ZZEF1: variants seen among roughly 807,000 people sequenced by gnomAD.
The protein encoded by ZZEF1 is zinc finger ZZ-type and EF-hand domain containing 1.
Under a neutral mutation model 342.8 loss-of-function variants are expected in ZZEF1, and 157 were observed. The observed-to-expected ratio is 0.46, with a 90% CI of 0.40 to 0.52. The LOEUF (loss-of-function observed/expected upper bound fraction) is 0.52, where lower values mean the gene tolerates loss of function less well. Among genes scored for constraint, ZZEF1 ranks in the 20% least tolerant of loss-of-function variants. ZZEF1 has a pLI of 0.00. For missense variants in ZZEF1, 3,480 were observed against 3,725.6 expected (o/e 0.93, Z 1.72); for synonymous variants, 1,505 against 1,429.1 (o/e 1.05, Z -1.20).
chr17:4,058,198 C>T (rs1005791217), intron 31 of ZZEF1, 43 bp from the exon 32 acceptor site: 3 of 1,548,674 alleles, frequency 1.9e-6, no homozygotes, highest in African/African-American at 2.8e-5. Context: ...CTGCTTACTC[C>T]CAACAGAGGC....
At chr17:4,018,013 C>T in intron 46 of ZZEF1, 42 bp from the exon 47 acceptor site, 1 of 1,607,592 alleles carries the variant, frequency 6.2e-7, no homozygotes, top group Non-Finnish European at 8.5e-7. Flanking sequence ...ACAGTGTAGA[C>T]AGGCCAGTTT....
Position 4,090,702 on chromosome 17 carries a change from G to T in ZZEF1, c.2025+17C>A. On this transcript the variant is annotated intron_variant, in intron 12 of 54. Coordinates refer to ENST00000381638, the MANE Select transcript of ZZEF1 (RefSeq NM_015113.4). ...AATAAAAGGAGGGGAGTGGGCAAAC[G>T]ACGCACTAATGCTTACTTTGGCAAC... 1 of 1,599,930 alleles carries T rather than the reference G, an allele frequency of 6.3e-7. No homozygotes were observed. Among genetic ancestry groups the T allele is most frequent in the Non-Finnish European group, 8.6e-7 (1 of 1,167,704 alleles).
rs578219727 is a variant in ZZEF1, at chr17:4,138,284, C to A, written c.354+4258G>T. Among the ~76,000 whole-genome samples, 53 of 152,280 alleles carry A rather than the reference C, an allele frequency of 3.5e-4. No homozygotes were observed. In the South Asian group the frequency reaches 9.5e-3, roughly 27 times the overall value. ...AGATAATCACATCTGCAGATTCCTACGGCACAGTTCCTGGGCTCAAAGCCA... is the reference window on the plus strand; with the variant it reads ...AGATAATCACATCTGCAGATTCCTAAGGCACAGTTCCTGGGCTCAAAGCCA... On this transcript the variant is annotated intron_variant, in intron 1 of 54. Transcript: ENST00000381638.
At chr17:4,020,260 A>G (rs1347516882) in intron 45 of ZZEF1, among the ~76,000 whole-genome samples, 1 of 152,196 alleles carries the variant, frequency 6.6e-6, no homozygotes, top group African/African-American at 2.4e-5. Context: ...CCTGCACTTA[A>G]ACTTGTCAGC....
chr17:4,039,807 CTAAT>C (rs1274687700), intron 39 of ZZEF1, among the ~76,000 whole-genome samples: 1 of 151,860 alleles, frequency 6.6e-6, no homozygotes, highest in Non-Finnish European at 1.5e-5. Context: ...CCACGCCTGG[CTAAT>C]TTTTTTGTAT....
intron 37 of ZZEF1, 116 bp from the exon 38 acceptor site, chr17:4,044,490 C>G: frequency 1.1e-6 from 1 of 898,470 alleles, no homozygotes; most frequent in African/African-American, 1.7e-5. Context: ...TTTTGAATGC[C>G]ATTAGAAAAT....
rs932121332 is a variant in ZZEF1 at position 4,055,177 on chromosome 17, A to G, written c.5296-982T>C. On this transcript the variant is annotated intron_variant, in intron 33 of 54. Transcript: ENST00000381638. ...TCTCTTTAGGGCCTGGAAATGAGGGATCTAAATCAGTAAGTCATACAGTAG... is the reference window on the plus strand; with the variant it reads ...TCTCTTTAGGGCCTGGAAATGAGGGGTCTAAATCAGTAAGTCATACAGTAG... Among the ~76,000 whole-genome samples, 57 of 152,146 alleles carry G rather than the reference A, an allele frequency of 3.7e-4. 1 individual carries two copies. The highest frequency in any genetic ancestry group is 1.1e-3 in the African/African-American group (45 of 41,416).
chr17:4,142,979 C>CG lies in ZZEF1; in HGVS notation c.-85dup. The stretch of plus-strand genomic sequence containing the variant: ...CCTGTCAACCTCCGACAGCAGCTGG[C>CG]GGGCGGGGACGCGGAGGAGACGACG... On this transcript the variant is annotated 5_prime_UTR_variant, in exon 1 of 55. Coordinates refer to ENST00000381638, the MANE Select transcript of ZZEF1 (RefSeq NM_015113.4). The CG allele has an allele frequency of 7.9e-7, 1 of 1,261,648 alleles. No homozygotes were observed. Among genetic ancestry groups the CG allele is most frequent in the Non-Finnish European group, 9.9e-7 (1 of 1,007,390 alleles). The allele number at this position is 1,261,648 out of a possible 1,614,324, so 78.2% of individuals were successfully genotyped here.
intron 37 of ZZEF1, 44 bp downstream of exon 37, chr17:4,049,664 A>G: frequency 6.2e-7 from 1 of 1,611,218 alleles, no homozygotes. Context: ...GGCTCTCTCT[A>G]GAGTTCAACC....
intron 21 of ZZEF1, among the ~76,000 whole-genome samples, chr17:4,075,773 C>T (rs983763209): frequency 2.5e-4 from 37 of 150,540 alleles, no homozygotes; most frequent in Non-Finnish European, 4.3e-4. Flanking sequence ...CTACCTGGGA[C>T]ACTGGCAAAT....
intron 1 of ZZEF1, among the ~76,000 whole-genome samples, chr17:4,128,865 G>A (rs1290100330): frequency 4.9e-5 from 7 of 143,028 alleles, no homozygotes; most frequent in Non-Finnish European, 1.1e-4. Context: ...TCCGCCTCCC[G>A]AGTTCAAGCT....
Position 4,139,072 on chromosome 17 carries a change from G to T in ZZEF1, c.354+3470C>A, listed in dbSNP as rs1331636075. ...TGGACACCAATGGCAGCTAAGTTAG[G>T]AAGCCAAAGAAGAAACATGTAACAC... On this transcript the variant is annotated intron_variant, in intron 1 of 54. Transcript: ENST00000381638. 2.1e-5 allele frequency among the ~76,000 whole-genome samples: 3 copies of T among 140,594 alleles called. 1 individual carries two copies. The highest frequency in any genetic ancestry group is 5.6e-5 in the African/African-American group (2 of 35,746). The allele number at this position is 140,594 out of a possible 152,430, so 92.2% of individuals were successfully genotyped here. A position where few individuals can be genotyped will look rare whatever the true frequency, so the allele number is the denominator to read the frequency against.
chr17:4,047,251 T>C (rs1454978520), intron 37 of ZZEF1, among the ~76,000 whole-genome samples: 1 of 152,144 alleles, frequency 6.6e-6, no homozygotes, highest in Non-Finnish European at 1.5e-5. Context: ...CTATCAAAAA[T>C]TAAGGAACTG....
intron 34 of ZZEF1, among the ~76,000 whole-genome samples, chr17:4,053,379 C>T (rs576896248): frequency 1.3e-5 from 2 of 152,380 alleles, no homozygotes; most frequent in South Asian, 2.1e-4. Context: ...CCATCCCCAA[C>T]GTTTCCTACA....
chr17:4,122,400 C>A, intron 2 of ZZEF1, among the ~76,000 whole-genome samples: 1 of 150,704 alleles, frequency 6.6e-6, no homozygotes, highest in East Asian at 1.9e-4. Context: ...TTTTTCCAGA[C>A]GGAGTTTCGC....
In ZZEF1 at chr17:4,085,666, T is replaced by C. The variant is rs1395823710; in HGVS notation, c.2646+4A>G. The C allele has an allele frequency of 1.2e-5, 19 of 1,613,770 alleles. No homozygotes were observed. Among genetic ancestry groups the C allele is most frequent in the Admixed American group, 1.7e-5 (1 of 59,960 alleles). ...ATTGAATCCAGACTTTTAGTAATAATTACCATCATGGTGAAGAGATGGTTC... is the reference window on the plus strand; with the variant it reads ...ATTGAATCCAGACTTTTAGTAATAACTACCATCATGGTGAAGAGATGGTTC... On this transcript the variant is annotated splice_donor_region_variant and intron_variant, in intron 16 of 54. Coordinates refer to ENST00000381638, the MANE Select transcript of ZZEF1 (RefSeq NM_015113.4).
chr17:4,070,336 G>A (rs2057483882), intron 26 of ZZEF1, among the ~76,000 whole-genome samples: 1 of 152,182 alleles, frequency 6.6e-6, no homozygotes, highest in Non-Finnish European at 1.5e-5. Flanking sequence ...CAGAAAGGTC[G>A]TCTGATTAAC....
rs1298944021 is a variant in ZZEF1 at position 4,085,710 on chromosome 17, G to A, written c.2606C>T (p.Pro869Leu). The A allele has an allele frequency of 1.2e-6, 2 of 1,614,022 alleles. No homozygotes were observed. The highest frequency in any genetic ancestry group is 3.3e-5 in the Admixed American group (2 of 60,004). ...ATGGTTCCGTCGGGTCTGTCGATTA[G>A]GAAAGAAGATGGCAGCCCCATTGAG... ...TLLNGAAIFFPNRQTRRNHLF... is the reference protein window; with the variant it reads ...TLLNGAAIFFLNRQTRRNHLF... The change falls in exon 16 of 55, where the codon CCT becomes CTT. Residue 869 changes from proline to leucine, a missense_variant. By Grantham distance (98) the Pro-to-Leu change is moderately conservative. Transcript: ENST00000381638.
chr17:4,062,397 T>C (rs970126119), intron 30 of ZZEF1, among the ~76,000 whole-genome samples: 4 of 151,604 alleles, frequency 2.6e-5, no homozygotes, highest in Non-Finnish European at 5.9e-5. Context: ...AAGGTATTTA[T>C]TGAGTTAATC....
Sources: allele counts gnomAD v4.1 joint callset (sites outside exome capture counted in the v4.1 genomes callset), GRCh38; gene constraint gnomAD v4.1.1; transcripts MANE v1.5; gene names NCBI Gene and HGNC (gene_info 2026-07-23, HGNC 2026-07-21).